Variants in TMEM242 observed in about 807,000 individuals in gnomAD.
TMEM242 encodes transmembrane protein 242.
Under a neutral mutation model 18.2 loss-of-function variants are expected in TMEM242, and 10 were observed. The observed-to-expected ratio is 0.55, with a 90% confidence interval of 0.34 to 0.93. TMEM242 has a LOEUF of 0.93. Among genes scored for constraint, TMEM242 ranks in the 40% least tolerant of loss-of-function variants. The probability of loss-of-function intolerance (pLI) is 0.02; values close to 1 mark genes in which losing one functional copy is unlikely to be tolerated. For missense variants in TMEM242, 186 were observed against 175.5 expected (o/e 1.06, Z -0.34); for synonymous variants, 57 against 69.9 (o/e 0.81, Z 0.92).
At chr6:157,298,484 TA>T (rs1329856575) in intron 3 of TMEM242, among the ~76,000 whole-genome samples, 4 of 152,194 alleles carry the variant, frequency 2.6e-5, no homozygotes, top group African/African-American at 9.6e-5. Flanking sequence ...TGTGCGCACA[TA>T]CACAAGTGTG....
Position 157,302,833 on chromosome 6 carries a change from G to A in TMEM242, c.328-9834C>T, listed in dbSNP as rs1777849642. Among the ~76,000 whole-genome samples, 3 of 152,166 alleles carry A rather than the reference G, an allele frequency of 2.0e-5. No homozygotes were observed. In the South Asian group the frequency reaches 6.2e-4, roughly 32 times the overall value. On this transcript the variant is annotated intron_variant, in intron 3 of 3. Transcript: ENST00000400788. Reference sequence around the variant, plus strand: ...TAGCTAATGGCAGGATTACACCTCAGTACTTTCGGTTGTACCACTTAGGAG... The same window carrying A: ...TAGCTAATGGCAGGATTACACCTCAATACTTTCGGTTGTACCACTTAGGAG...
intron 3 of TMEM242, chr6:157,299,478 G>A (rs1583556959): frequency 7.1e-7 from 1 of 1,407,518 alleles, no homozygotes; most frequent in African/African-American, 1.4e-5. Flanking sequence ...TGGATACCAA[G>A]CTTTTGTCCA....
chr6:157,296,085 T>C (rs1405986717), intron 3 of TMEM242, among the ~76,000 whole-genome samples: 3 of 152,210 alleles, frequency 2.0e-5, no homozygotes, highest in Non-Finnish European at 4.4e-5. Context: ...AAAGATGTGC[T>C]TGAAAAGATT....
intron 3 of TMEM242, among the ~76,000 whole-genome samples, chr6:157,301,829 G>T (rs1353026766): frequency 2.0e-5 from 3 of 152,142 alleles, no homozygotes; most frequent in Admixed American, 6.5e-5. Context: ...CTACTCAGGA[G>T]GCAGAGGCAT....
chr6:157,294,241 A>G (rs1773350705), intron 3 of TMEM242, among the ~76,000 whole-genome samples: 1 of 151,380 alleles, frequency 6.6e-6, no homozygotes, highest in African/African-American at 2.4e-5. Flanking sequence ...CTGCCTTCCA[A>G]TTTTTTCTCA....
intron 3 of TMEM242, among the ~76,000 whole-genome samples, chr6:157,296,737 T>C (rs1554247204): frequency 2.6e-5 from 4 of 151,964 alleles, no homozygotes. Context: ...CCCAGTGCCG[T>C]GGGCCCACCA....
chr6:157,312,723 T>C (rs111866888), intron 3 of TMEM242, among the ~76,000 whole-genome samples: 13 of 55,942 alleles, frequency 2.3e-4, no homozygotes, highest in Admixed American at 5.4e-4. Context: ...TGGCCTCATC[T>C]TACTGTCCCA....
At chr6:157,310,481 C>T (rs1554248303) in intron 3 of TMEM242, among the ~76,000 whole-genome samples, 3 of 151,456 alleles carry the variant, frequency 2.0e-5, no homozygotes, top group Non-Finnish European at 4.4e-5. Context: ...AGTGTGTGCT[C>T]ACCTAGCCTC....
chr6:157,316,432 A>T (rs1554250346), intron 3 of TMEM242, among the ~76,000 whole-genome samples: 1 of 152,216 alleles, frequency 6.6e-6, no homozygotes, highest in African/African-American at 2.4e-5. Context: ...GAATGCCTAA[A>T]ATGGAAGAAG....
chr6:157,297,005 A>C (rs1175717282), intron 3 of TMEM242, among the ~76,000 whole-genome samples: 1 of 152,232 alleles, frequency 6.6e-6, no homozygotes, highest in Non-Finnish European at 1.5e-5. Flanking sequence ...GCCTCTAATA[A>C]TGTTATTCTC....
rs1043082642 is a variant in TMEM242 at position 157,305,585 on chromosome 6, C to T, written c.328-12586G>A. Among the ~76,000 whole-genome samples the T allele has an allele frequency of 4.6e-5, 7 of 151,982 alleles. No individual in the cohort carries two copies. The highest frequency in any genetic ancestry group is 5.9e-5 in the Non-Finnish European group (4 of 68,010). ...TTGTTTTAAAGTGGCAGGGACTGGA[C>T]GAAAGAGCCAAGGGGCGGAGGATAG... On this transcript the variant is annotated intron_variant, in intron 3 of 3. Coordinates refer to ENST00000400788, the MANE Select transcript of TMEM242 (RefSeq NM_018452.6). The surrounding 1 kb of genome is among the most constrained non-coding windows in gnomAD (Gnocchi z 4.1).
At chr6:157,314,966 A>G (rs1183618179) in intron 3 of TMEM242, among the ~76,000 whole-genome samples, 1 of 152,220 alleles carries the variant, frequency 6.6e-6, no homozygotes, top group Non-Finnish European at 1.5e-5. Flanking sequence ...GGTTTCTATC[A>G]GAGATTCAAT....
At position 157,291,433 on chromosome 6, in the gene TMEM242, A is replaced by G. The variant is rs1262313529; in HGVS notation, c.*1468T>C. On this transcript the variant is annotated 3_prime_UTR_variant, in exon 4 of 4. Transcript: ENST00000400788. The stretch of plus-strand genomic sequence containing the variant: ...GCCCATTCTATTCAGAGGAACCTAG[A>G]TTCAGACTAATTGTATGGACGAAAA... 3 of 152,228 alleles carry G rather than the reference A, an allele frequency of 2.0e-5. No homozygotes were observed. Among genetic ancestry groups the G allele is most frequent in the Non-Finnish European group, 4.4e-5 (3 of 68,040 alleles). The allele number at this position is 152,228 out of a possible 1,614,324, so 9.4% of individuals were successfully genotyped here. A position where few individuals can be genotyped will look rare whatever the true frequency, so the allele number is the denominator to read the frequency against.
intron 3 of TMEM242, among the ~76,000 whole-genome samples, chr6:157,297,045 T>C (rs1554247218): frequency 6.6e-6 from 1 of 152,242 alleles, no homozygotes; most frequent in Non-Finnish European, 1.5e-5. Context: ...ATATAGCCAG[T>C]AGGCCAGGAG....
intron 3 of TMEM242, among the ~76,000 whole-genome samples, chr6:157,304,477 AAAAAAAAAAAAAAAG>A (rs1303927676): frequency 6.4e-5 from 8 of 125,118 alleles, no homozygotes; most frequent in Non-Finnish European, 1.2e-4. Flanking sequence ...AAAAAAAAAA[AAAAAAAAAAAAAAAG>A]AGAGAGAGAG....
chr6:157,310,702 G>A (rs1583562881), intron 3 of TMEM242, among the ~76,000 whole-genome samples: 1 of 147,562 alleles, frequency 6.8e-6, no homozygotes, highest in South Asian at 2.1e-4. Flanking sequence ...CCTCATCATA[G>A]TGCCCCAGTG....
intron 3 of TMEM242, among the ~76,000 whole-genome samples, chr6:157,317,999 T>C (rs1227774890): frequency 6.6e-6 from 1 of 152,236 alleles, no homozygotes; most frequent in Non-Finnish European, 1.5e-5. Flanking sequence ...TCATTCTTAA[T>C]GTAATGCTCT....
intron 3 of TMEM242, among the ~76,000 whole-genome samples, chr6:157,312,440 C>A (rs1305235560): frequency 9.0e-5 from 12 of 132,980 alleles, no homozygotes; most frequent in East Asian, 2.2e-4. Context: ...AGTGTGCACT[C>A]ACCGAGCCTC....
At chr6:157,313,366 ATCATAGTGCCTCAGTGT>A (rs1562386196) in intron 3 of TMEM242, among the ~76,000 whole-genome samples, 31 of 67,194 alleles carry the variant, frequency 4.6e-4, no homozygotes, top group South Asian at 1.5e-3. Flanking sequence ...ACCTGGCCTC[ATCATAGTGCCTCAGTGT>A]ACGCTCACCG....
Sources: gnomAD v4.1 joint callset for allele counts (sites outside exome capture counted in the v4.1 genomes callset) on GRCh38, gnomAD v4.1.1 for gene constraint, Gnocchi (gnomAD v3.1) non-coding constraint, MANE v1.5 for transcripts, NCBI Gene and HGNC (gene_info 2026-07-23, HGNC 2026-07-21) for gene names.